Variants in FHIT observed in about 807,000 individuals in gnomAD.
FHIT encodes the protein bis(5'-adenosyl)-triphosphatase.
A neutral mutation model predicts 17.9 loss-of-function variants in FHIT; 19 were observed. The ratio of observed to expected loss-of-function variants is 1.06; its 90% confidence interval spans 0.74 to 1.56. FHIT has a LOEUF of 1.56. FHIT is among the 40% of genes most tolerant of loss of function. FHIT has a pLI of 0.00. For missense variants in FHIT, 248 were observed against 189.2 expected (o/e 1.31, Z -1.82); for synonymous variants, 81 against 69.7 (o/e 1.16, Z -0.81).
At chr3:60,287,152 A>G (rs541257148) in intron 5 of FHIT, among the ~76,000 whole-genome samples, 9 of 152,256 alleles carry the variant, frequency 5.9e-5, no homozygotes, top group African/African-American at 1.9e-4. Context: ...TGTTAAGTTT[A>G]TTATGAAGAC....
At chr3:59,899,859 A>C (rs1377204713) in intron 8 of FHIT, among the ~76,000 whole-genome samples, 4 of 151,968 alleles carry the variant, frequency 2.6e-5, no homozygotes, top group Non-Finnish European at 5.9e-5. Flanking sequence ...AAACAAAAAC[A>C]AAAAAAAGAA....
intron 3 of FHIT, among the ~76,000 whole-genome samples, chr3:60,985,695 G>A (rs1473525714): frequency 6.6e-6 from 1 of 152,238 alleles, no homozygotes; most frequent in Admixed American, 6.5e-5. Context: ...TTGGATAAAT[G>A]TAAATTATGG....
chr3:60,555,863 C>T (rs1337844736), intron 4 of FHIT, among the ~76,000 whole-genome samples: 2 of 152,182 alleles, frequency 1.3e-5, no homozygotes, highest in African/African-American at 4.8e-5. Flanking sequence ...TTTCTGTCTG[C>T]AGGCAAGCTT....
At chr3:60,387,574 C>T (rs1701061220) in intron 5 of FHIT, among the ~76,000 whole-genome samples, 1 of 152,030 alleles carries the variant, frequency 6.6e-6, no homozygotes, top group African/African-American at 2.4e-5. Flanking sequence ...CCTGAATTCC[C>T]AATTCTCTCC....
intron 4 of FHIT, among the ~76,000 whole-genome samples, chr3:60,637,789 T>A (rs1354268478): frequency 2.0e-5 from 3 of 152,174 alleles, no homozygotes; most frequent in Admixed American, 2.0e-4. Flanking sequence ...GGCTGAGAGA[T>A]AAGGATAAGG....
At chr3:60,900,626 T>G (rs1002132474) in intron 3 of FHIT, among the ~76,000 whole-genome samples, 1 of 152,088 alleles carries the variant, frequency 6.6e-6, no homozygotes, top group African/African-American at 2.4e-5. Context: ...TAAAAATTAA[T>G]TTTTTTGGAG....
At chr3:61,114,885 T>C (rs138640703) in intron 2 of FHIT, among the ~76,000 whole-genome samples, 16 of 152,270 alleles carry the variant, frequency 1.1e-4, no homozygotes, top group Non-Finnish European at 2.1e-4. Flanking sequence ...TCCCCAATGC[T>C]TCCAGTACAA....
rs533177571 is a variant in FHIT, at chr3:59,765,640, C to T, written c.349-13319G>A. Among the ~76,000 whole-genome samples the T allele has an allele frequency of 2.6e-5, 4 of 152,226 alleles. No individual in the cohort carries two copies. The South Asian group carries it at 6.2e-4, about 24-fold the overall frequency. ...GACTCCCAGGATTGCTCTGGCATTG[C>T]GGTTGAGAAGATATACTGGAATAAC... On this transcript the variant is annotated intron_variant, in intron 8 of 9. Coordinates refer to ENST00000492590, the MANE Select transcript of FHIT (RefSeq NM_002012.4).
At chr3:60,327,572 G>A (rs930925487) in intron 5 of FHIT, among the ~76,000 whole-genome samples, 2 of 152,226 alleles carry the variant, frequency 1.3e-5, no homozygotes, top group South Asian at 2.1e-4. Flanking sequence ...TGCATATGGT[G>A]TGTGCTAAAT....
chr3:60,813,789 A>G (rs1364946816), intron 4 of FHIT, among the ~76,000 whole-genome samples: 2 of 152,206 alleles, frequency 1.3e-5, no homozygotes, highest in Admixed American at 6.6e-5. Flanking sequence ...GTCTATATTC[A>G]TGTATAATCC....
intron 1 of FHIT, among the ~76,000 whole-genome samples, chr3:61,219,348 TG>T (rs1192420070): frequency 1.3e-5 from 2 of 151,462 alleles, no homozygotes; most frequent in South Asian, 2.1e-4. Context: ...TGTGTGTGTG[TG>T]TGTGTGTGTG....
intron 4 of FHIT, among the ~76,000 whole-genome samples, chr3:60,798,397 A>G (rs1701065522): frequency 6.6e-6 from 1 of 152,274 alleles, no homozygotes; most frequent in Admixed American, 6.5e-5. Flanking sequence ...AATAATAATC[A>G]AGAGCTGTTG....
intron 4 of FHIT, among the ~76,000 whole-genome samples, chr3:60,573,531 C>T (rs2037459433): frequency 1.3e-5 from 2 of 152,076 alleles, no homozygotes; most frequent in East Asian, 3.9e-4. Flanking sequence ...GACTTCTGTC[C>T]CCTCAGTAAC....
intron 7 of FHIT, among the ~76,000 whole-genome samples, chr3:59,928,832 TAAAAATAC>T (rs1359674201): frequency 6.6e-6 from 1 of 151,622 alleles, no homozygotes; most frequent in Non-Finnish European, 1.5e-5. Context: ...CCGTCTCTAC[TAAAAATAC>T]AAAAATTAGC....
At chr3:59,978,996 T>C (rs1050049024) in intron 7 of FHIT, among the ~76,000 whole-genome samples, 2 of 152,226 alleles carry the variant, frequency 1.3e-5, no homozygotes, top group African/African-American at 4.8e-5. Context: ...AATACTTCCC[T>C]CTGCATCTGG....
intron 5 of FHIT, among the ~76,000 whole-genome samples, chr3:60,274,178 T>C (rs985579394): frequency 6.6e-6 from 1 of 152,142 alleles, no homozygotes; most frequent in Non-Finnish European, 1.5e-5. Context: ...TTTTATAATA[T>C]CAGATAACTC....
intron 8 of FHIT, among the ~76,000 whole-genome samples, chr3:59,754,858 C>T (rs1575603353): frequency 6.6e-6 from 1 of 152,168 alleles, no homozygotes; most frequent in African/African-American, 2.4e-5. Flanking sequence ...TCCTAAAAGC[C>T]CCAGATGGAA....
chr3:60,384,266 TAAAA>T (rs536000752), intron 5 of FHIT, among the ~76,000 whole-genome samples: 2 of 138,048 alleles, frequency 1.4e-5, no homozygotes, highest in South Asian at 4.8e-4. Context: ...GACTCCGTCT[TAAAA>T]AAAAAAAAAA....
chr3:60,212,869 G>A (rs950600609), intron 5 of FHIT, among the ~76,000 whole-genome samples: 2 of 152,292 alleles, frequency 1.3e-5, no homozygotes, highest in Non-Finnish European at 1.5e-5. Flanking sequence ...TAAGAAACCA[G>A]CAAATCCGGG....
Sources: allele counts gnomAD v4.1 joint callset (sites outside exome capture counted in the v4.1 genomes callset), GRCh38; gene constraint gnomAD v4.1.1; transcripts MANE v1.5; gene names NCBI Gene and HGNC (gene_info 2026-07-23, HGNC 2026-07-21).